The following SYT10 variants were observed in gnomAD, a reference collection of about 807,000 sequenced individuals.
SYT10 encodes synaptotagmin 10, also known as synaptotagmin-10.
SYT10 carries 31 observed loss-of-function variants against 51.1 expected under a neutral mutation model. The ratio of observed to expected loss-of-function variants is 0.61; its 90% CI spans 0.46 to 0.82. The LOEUF (loss-of-function observed/expected upper bound fraction) is 0.82. Among genes scored for constraint, SYT10 ranks in the 40% least tolerant of loss-of-function variants. SYT10 has a pLI of 0.00. For synonymous variants in SYT10, 233 were observed against 225.9 expected (o/e 1.03, Z -0.28); for missense variants, 603 against 634.0 (o/e 0.95, Z 0.53).
At chr12:33,388,996 T>C (rs1371113075) in intron 3 of SYT10, among the ~76,000 whole-genome samples, 3 of 152,216 alleles carry the variant, frequency 2.0e-5, no homozygotes, top group Admixed American at 2.0e-4. Context: ...AGAAGGTCTA[T>C]TAACCAAGAG....
At chr12:33,386,168 G>A (rs1472157661) in intron 3 of SYT10, among the ~76,000 whole-genome samples, 1 of 152,102 alleles carries the variant, frequency 6.6e-6, no homozygotes, top group East Asian at 1.9e-4. Context: ...TTACAGGCAT[G>A]CAACACCACA....
intron 2 of SYT10, among the ~76,000 whole-genome samples, chr12:33,423,491 CCT>C (rs1866523645): frequency 6.6e-6 from 1 of 152,114 alleles, no homozygotes; most frequent in African/African-American, 2.4e-5. Context: ...ATTTCCTCTT[CCT>C]CTCTCTATAA....
chr12:33,379,940 T>TA lies in SYT10; in HGVS notation c.1391dup (p.Gly465ArgfsTer10). 1 of 1,613,628 alleles carries TA rather than the reference T, an allele frequency of 6.2e-7. No homozygotes were observed. Among genetic ancestry groups the TA allele is most frequent in the Non-Finnish European group, 8.5e-7 (1 of 1,179,662 alleles). ...CATCCAGTCCTGTTCTGCACACTCC[T>TA]ATGACCTCATTGTGTCCTACCCTAT... is the stretch of plus-strand genomic sequence containing the variant. On this transcript the variant is annotated frameshift_variant, in exon 6 of 7. Transcript: ENST00000228567. LOFTEE classifies it high-confidence loss of function.
intron 3 of SYT10, among the ~76,000 whole-genome samples, chr12:33,390,554 A>G (rs1182686210): frequency 3.0e-5 from 4 of 135,580 alleles, no homozygotes; most frequent in Non-Finnish European, 6.2e-5. Flanking sequence ...CCCACAACCC[A>G]AAAACTCCAC....
In SYT10 at chr12:33,396,095, T is replaced by C. The variant is rs1459554062; in HGVS notation, c.1077+10694A>G. On this transcript the variant is annotated intron_variant, in intron 3 of 6. Transcript: ENST00000228567. Reference sequence around the variant, plus strand: ...TCTTTACCAATTCTAAAATAATGATTATATGATCTAGACATGAGACTCTCA... The same window carrying C: ...TCTTTACCAATTCTAAAATAATGATCATATGATCTAGACATGAGACTCTCA... 2.0e-5 allele frequency among the ~76,000 whole-genome samples: 3 copies of C among 152,304 alleles called. No homozygotes were observed. In the East Asian group the frequency reaches 5.8e-4, roughly 29 times the overall value.
intron 1 of SYT10, among the ~76,000 whole-genome samples, chr12:33,429,694 A>G (rs1416014636): frequency 1.3e-5 from 2 of 152,240 alleles, no homozygotes; most frequent in African/African-American, 4.8e-5. Context: ...AAGAAAATTC[A>G]GAGATAAATA....
intron 1 of SYT10, among the ~76,000 whole-genome samples, chr12:33,432,131 A>G (rs1012568670): frequency 5.9e-5 from 9 of 152,064 alleles, no homozygotes; most frequent in African/African-American, 2.2e-4. Flanking sequence ...ATTTCTTTAA[A>G]AGTCTAAGTT....
chr12:33,380,615 T>C (rs1466534475), intron 5 of SYT10, among the ~76,000 whole-genome samples: 1 of 152,186 alleles, frequency 6.6e-6, no homozygotes, highest in African/African-American at 2.4e-5. Flanking sequence ...TATGTGCCAG[T>C]GTTCTAGGTA....
At chr12:33,433,135 A>T (rs1866610412) in intron 1 of SYT10, among the ~76,000 whole-genome samples, 1 of 152,166 alleles carries the variant, frequency 6.6e-6, no homozygotes, top group African/African-American at 2.4e-5. Flanking sequence ...TCTGTTTGTA[A>T]ACTTGGTCAG....
In SYT10 at chr12:33,439,616, T is replaced by C. The variant is rs1157235546; in HGVS notation, c.-94A>G. On this transcript the variant is annotated 5_prime_UTR_variant, in exon 1 of 7. Transcript: ENST00000228567. Reference sequence around the variant, plus strand: ...ACCCCTCTGGCGCCCTAAGCCATAGTCCGCCCGCGGTGACTTTGGCTGGAG... The same window carrying C: ...ACCCCTCTGGCGCCCTAAGCCATAGCCCGCCCGCGGTGACTTTGGCTGGAG... 1 of 1,453,434 alleles carries C rather than the reference T, an allele frequency of 6.9e-7. No homozygotes were observed. 90.0% of individuals were successfully genotyped at this position (1,453,434 alleles called of 1,614,324 possible).
chr12:33,395,158 A>G (rs1397490914), intron 3 of SYT10, among the ~76,000 whole-genome samples: 1 of 152,176 alleles, frequency 6.6e-6, no homozygotes, highest in African/African-American at 2.4e-5. Flanking sequence ...CAGAAAAACA[A>G]AATTGTTTTT....
chr12:33,410,247 G>T (rs1288843482), intron 2 of SYT10, among the ~76,000 whole-genome samples: 1 of 152,150 alleles, frequency 6.6e-6, no homozygotes, highest in Non-Finnish European at 1.5e-5. Context: ...TGCATTAATA[G>T]AATGGAATTT....
chr12:33,380,542 T>A (rs1866105367), intron 5 of SYT10, among the ~76,000 whole-genome samples: 1 of 152,184 alleles, frequency 6.6e-6, no homozygotes, highest in Admixed American at 6.5e-5. Flanking sequence ...TCTATTCAGG[T>A]CCTGCTTTCA....
At chr12:33,389,086 A>G (rs1866182014) in intron 3 of SYT10, among the ~76,000 whole-genome samples, 1 of 152,204 alleles carries the variant, frequency 6.6e-6, no homozygotes, top group Admixed American at 6.5e-5. Context: ...GATGAGGAAT[A>G]ATGCTGTACG....
Position 33,439,588 on chromosome 12 carries a change from C to G in SYT10, c.-66G>C. ...GCCGTCTTTTCCTCTTCCCGTACCT[C>G]TAACCCCTCTGGCGCCCTAAGCCAT... On this transcript the variant is annotated 5_prime_UTR_variant, in exon 1 of 7. Coordinates refer to ENST00000228567, the MANE Select transcript of SYT10 (RefSeq NM_198992.4). 6.4e-7 allele frequency: 1 copy of G among 1,563,864 alleles called. No homozygotes were observed.
intron 1 of SYT10, among the ~76,000 whole-genome samples, chr12:33,436,899 C>A (rs1431133209): frequency 2.0e-5 from 3 of 152,096 alleles, no homozygotes; most frequent in African/African-American, 7.2e-5. Context: ...TGTCTTCCTA[C>A]CAAAAATGGC....
At chr12:33,387,434 G>C (rs1392859426) in intron 3 of SYT10, among the ~76,000 whole-genome samples, 1 of 152,132 alleles carries the variant, frequency 6.6e-6, no homozygotes, top group African/African-American at 2.4e-5. Context: ...TACAGGGTTT[G>C]GCATGTGATA....
intron 2 of SYT10, chr12:33,407,879 A>C (rs573684658): frequency 6.6e-6 from 1 of 152,400 alleles, no homozygotes; most frequent in African/African-American, 2.4e-5. Context: ...CAAAGTGCCG[A>C]GATAACACAA....
intron 3 of SYT10, chr12:33,405,890 A>G (rs1195549315): frequency 6.6e-6 from 1 of 151,752 alleles, no homozygotes; most frequent in South Asian, 2.1e-4. Flanking sequence ...AAAAAAGAAC[A>G]TAATTTTTCA....
Sources: gnomAD v4.1 joint callset for allele counts (sites outside exome capture counted in the v4.1 genomes callset) on GRCh38, gnomAD v4.1.1 for gene constraint, MANE v1.5 for transcripts, NCBI Gene and HGNC (gene_info 2026-07-23, HGNC 2026-07-21) for gene names.